PDE3B: variants seen among roughly 807,000 people sequenced by gnomAD.
The protein encoded by PDE3B is cGMP-inhibited 3',5'-cyclic phosphodiesterase 3B.
Under a neutral mutation model 116.8 loss-of-function variants are expected in PDE3B, and 66 were observed. The observed-to-expected ratio is 0.56, with a 90% confidence interval of 0.46 to 0.69. PDE3B has a LOEUF of 0.69. Ranked by LOEUF, PDE3B falls within the 30% of genes least tolerant of loss-of-function variation. PDE3B has a pLI of 0.00. For missense variants in PDE3B, 1,384 were observed against 1,368.1 expected (o/e 1.01, Z -0.18); for synonymous variants, 595 against 533.6 (o/e 1.12, Z -1.59).
chr11:14,765,689 T>TA (rs1244425986), intron 1 of PDE3B, among the ~76,000 whole-genome samples: 1 of 151,552 alleles, frequency 6.6e-6, no homozygotes, highest in Non-Finnish European at 1.5e-5. Context: ...TGGAAGCTCC[T>TA]AAAAACAGCA....
chr11:14,740,214 G>T (rs1856722738), intron 1 of PDE3B, among the ~76,000 whole-genome samples: 1 of 152,144 alleles, frequency 6.6e-6, no homozygotes, highest in South Asian at 2.1e-4. Flanking sequence ...GAATTGGGCT[G>T]TGAATCTGTC....
intron 1 of PDE3B, among the ~76,000 whole-genome samples, chr11:14,665,870 T>C (rs1854123381): frequency 1.3e-5 from 2 of 152,224 alleles, no homozygotes; most frequent in Middle Eastern, 3.4e-3. Flanking sequence ...AGGTAATTTA[T>C]AGATTCAATG....
intron 1 of PDE3B, among the ~76,000 whole-genome samples, chr11:14,678,999 G>A (rs1854614698): frequency 1.3e-5 from 2 of 152,058 alleles, no homozygotes; most frequent in Non-Finnish European, 2.9e-5. Flanking sequence ...AACATCATTT[G>A]TTGTGTACTC....
At chr11:14,847,446 C>G (rs1376543527) in intron 12 of PDE3B, among the ~76,000 whole-genome samples, 2 of 151,054 alleles carry the variant, frequency 1.3e-5, no homozygotes, top group Non-Finnish European at 2.9e-5. Flanking sequence ...AAAGCAAGAG[C>G]AAACACATTC....
chr11:14,834,881 T>G (rs993662598), intron 10 of PDE3B, 101 bp from the exon 11 acceptor site: 2 of 531,060 alleles, frequency 3.8e-6, no homozygotes, highest in Non-Finnish European at 6.8e-6. Flanking sequence ...GGAATTAGTC[T>G]GTCACATCTT....
At chr11:14,885,773 T>A in the PDE3B span, 3 of 1,612,094 alleles carry the variant, frequency 1.9e-6, no homozygotes, top group Admixed American at 5.0e-5. Context: ...CAAATAAACA[T>A]ACCTCCCATT....
intron 1 of PDE3B, among the ~76,000 whole-genome samples, chr11:14,729,576 CTA>C (rs1277588754): frequency 6.6e-6 from 1 of 152,094 alleles, no homozygotes; most frequent in Non-Finnish European, 1.5e-5. Context: ...TTATAATTTT[CTA>C]TGTTTAAATT....
chr11:14,851,712 A>G (rs1294284193), intron 12 of PDE3B, among the ~76,000 whole-genome samples: 3 of 152,116 alleles, frequency 2.0e-5, no homozygotes, highest in African/African-American at 4.8e-5. Context: ...CTTATTTGCA[A>G]TACCATTCTG....
intron 2 of PDE3B, among the ~76,000 whole-genome samples, chr11:14,786,172 A>AAGT (rs1858187640): frequency 1.4e-5 from 2 of 145,652 alleles, no homozygotes; most frequent in African/African-American, 5.5e-5. Flanking sequence ...AAAGGAAAGG[A>AAGT]AATAATGAAT....
the PDE3B span, among the ~76,000 whole-genome samples, chr11:14,893,943 A>T: frequency 1.3e-5 from 2 of 152,184 alleles, no homozygotes; most frequent in Non-Finnish European, 2.9e-5. Flanking sequence ...AATATTCCAA[A>T]CAGAGGAAAT....
intron 1 of PDE3B, among the ~76,000 whole-genome samples, chr11:14,768,148 A>C (rs1008447273): frequency 6.6e-6 from 1 of 151,458 alleles, no homozygotes; most frequent in African/African-American, 2.4e-5. Flanking sequence ...ACAGTTTTTC[A>C]AAAGAGTTTT....
At chr11:14,708,785 T>TAG (rs374520699) in intron 1 of PDE3B, among the ~76,000 whole-genome samples, 40 of 151,368 alleles carry the variant, frequency 2.6e-4, no homozygotes, top group African/African-American at 6.3e-4. Context: ...TATATATATA[T>TAG]AGAGAGAGAG....
intron 1 of PDE3B, among the ~76,000 whole-genome samples, chr11:14,754,615 C>T (rs2133879419): frequency 6.6e-6 from 1 of 152,122 alleles, no homozygotes; most frequent in East Asian, 1.9e-4. Flanking sequence ...GTTAAATATG[C>T]TATTTCTAGC....
At chr11:14,869,439 A>G (rs1555008654) in intron 15 of PDE3B, 22 bp from the exon 16 acceptor site, 2 of 1,592,286 alleles carry the variant, frequency 1.3e-6, no homozygotes, top group East Asian at 2.2e-5. Flanking sequence ...TGATTAGAAT[A>G]TATTTATTTT....
chr11:14,815,544 G>A (rs1265677980), intron 5 of PDE3B, among the ~76,000 whole-genome samples: 1 of 152,132 alleles, frequency 6.6e-6, no homozygotes, highest in Non-Finnish European at 1.5e-5. Context: ...TTGTCACATG[G>A]TCTTCCTCAG....
At chr11:14,804,509 A>T (rs904009581) in intron 5 of PDE3B, among the ~76,000 whole-genome samples, 18 of 152,134 alleles carry the variant, frequency 1.2e-4, no homozygotes, top group Non-Finnish European at 1.3e-4. Context: ...TGGATGCAAG[A>T]TATTTTAATA....
chr11:14,718,551 C>G (rs1038744224), intron 1 of PDE3B, among the ~76,000 whole-genome samples: 2 of 149,628 alleles, frequency 1.3e-5, no homozygotes, highest in Non-Finnish European at 3.0e-5. Flanking sequence ...TGTAAAAGAA[C>G]AGAAATTATA....
the PDE3B span, among the ~76,000 whole-genome samples, chr11:14,894,661 C>G: frequency 2.6e-5 from 4 of 152,170 alleles, no homozygotes; most frequent in African/African-American, 9.7e-5. Context: ...TTCCCCACCC[C>G]ACCCCACCAC....
In PDE3B at chr11:14,646,419, G is replaced by C. The variant is rs117821926; in HGVS notation, c.978+1366G>C. Among the ~76,000 whole-genome samples the C allele has an allele frequency of 6.6e-3, 999 of 152,252 alleles. 6 individuals are homozygous for C. The highest frequency in any genetic ancestry group is 8.2e-3 in the Non-Finnish European group (559 of 67,994). ...GTGGTCAACCACTTGAAAAAGTTCT[G>C]TTATGCCTTTTGTTTTCTCAGTTTA... On this transcript the variant is annotated intron_variant, in intron 1 of 15. Coordinates refer to ENST00000282096, the MANE Select transcript of PDE3B (RefSeq NM_000922.4).
Sources: gnomAD v4.1 joint callset for allele counts (sites outside exome capture counted in the v4.1 genomes callset) on GRCh38, gnomAD v4.1.1 for gene constraint, MANE v1.5 for transcripts, NCBI Gene and HGNC (gene_info 2026-07-23, HGNC 2026-07-21) for gene names.